TSHZ2: variants seen among roughly 807,000 people sequenced by gnomAD.
TSHZ2 encodes teashirt zinc finger homeobox 2, also known as teashirt homolog 2.
In TSHZ2, 21 loss-of-function variants were observed where a neutral mutation model predicts 74.4. The observed-to-expected ratio is 0.28, with a 90% CI of 0.20 to 0.41. The LOEUF (loss-of-function observed/expected upper bound fraction) is 0.41. TSHZ2 is among the 10% of genes least tolerant of loss of function. The pLI, the probability that TSHZ2 is intolerant of heterozygous loss-of-function variation, is 1.00. For synonymous variants in TSHZ2, 540 were observed against 515.3 expected (o/e 1.05, Z -0.65); for missense variants, 1,244 against 1,293.5 (o/e 0.96, Z 0.59).
intron 2 of TSHZ2, among the ~76,000 whole-genome samples, chr20:53,476,638 T>TAGG (rs1427749592): frequency 1.4e-5 from 2 of 140,510 alleles, no homozygotes; most frequent in Non-Finnish European, 3.1e-5. Flanking sequence ...CTATTCAACA[T>TAGG]AGTGTTGGAA....
chr20:53,204,852 C>T (rs553669502), intron 1 of TSHZ2, among the ~76,000 whole-genome samples: 118 of 151,916 alleles, frequency 7.8e-4, no homozygotes, highest in African/African-American at 2.5e-3. Context: ...GAGGCCGAGG[C>T]GGGCGGATCA....
Position 53,251,729 on chromosome 20 carries a change from G to A in TSHZ2, c.41-1770G>A, listed in dbSNP as rs528009944. 5.3e-5 allele frequency among the ~76,000 whole-genome samples: 8 copies of A among 152,202 alleles called. No homozygotes were observed. In the South Asian group the frequency reaches 6.2e-4, roughly 12 times the overall value. ...ATTTATACATTTCATCTTGTTTTAC[G>A]GTATTCTGTCACTAAAATCATGGGC... On this transcript the variant is annotated intron_variant, in intron 1 of 2. Transcript: ENST00000371497.
intron 2 of TSHZ2, among the ~76,000 whole-genome samples, chr20:53,307,689 A>G (rs562849661): frequency 2.0e-5 from 3 of 152,334 alleles, no homozygotes; most frequent in Admixed American, 6.5e-5. Context: ...AGTAAAGTTC[A>G]ATGGATTTTA....
intron 2 of TSHZ2, among the ~76,000 whole-genome samples, chr20:53,291,245 G>A (rs1991272065): frequency 6.6e-6 from 1 of 152,160 alleles, no homozygotes; most frequent in Non-Finnish European, 1.5e-5. Context: ...GCCGAGATGG[G>A]TGGATTGCTT....
At chr20:53,251,871 T>G (rs141243890) in intron 1 of TSHZ2, among the ~76,000 whole-genome samples, 111 of 152,324 alleles carry the variant, frequency 7.3e-4, no homozygotes, top group African/African-American at 2.6e-3. Flanking sequence ...AGGGTTCTTC[T>G]TCATTAGGTT....
At chr20:53,282,493 G>A (rs897537958) in intron 2 of TSHZ2, among the ~76,000 whole-genome samples, 4 of 152,146 alleles carry the variant, frequency 2.6e-5, no homozygotes, top group Non-Finnish European at 2.9e-5. Context: ...TTTAAGTAGC[G>A]ATATTACCCC....
intron 1 of TSHZ2, among the ~76,000 whole-genome samples, chr20:53,020,726 A>T (rs1234884447): frequency 1.3e-5 from 2 of 152,272 alleles, no homozygotes; most frequent in Admixed American, 1.3e-4. Context: ...TCCAAAGACC[A>T]GGGATAGCCT....
intron 1 of TSHZ2, among the ~76,000 whole-genome samples, chr20:53,204,446 T>G (rs1008654824): frequency 1.2e-4 from 18 of 151,160 alleles, no homozygotes; most frequent in Admixed American, 2.6e-4. Flanking sequence ...TATGATATAA[T>G]ATTTTGGACA....
intron 2 of TSHZ2, among the ~76,000 whole-genome samples, chr20:53,389,170 TC>T (rs1231623014): frequency 6.6e-6 from 1 of 152,122 alleles, no homozygotes; most frequent in East Asian, 1.9e-4. Context: ...ACAGATAGGG[TC>T]CCCTCCTAGT....
intron 1 of TSHZ2, among the ~76,000 whole-genome samples, chr20:53,143,630 T>C (rs1025535970): frequency 2.6e-5 from 4 of 152,068 alleles, no homozygotes; most frequent in Non-Finnish European, 4.4e-5. Flanking sequence ...AGGAAGAGCT[T>C]GCAGTGAGCC....
intron 1 of TSHZ2, among the ~76,000 whole-genome samples, chr20:53,242,649 C>A (rs192379032): frequency 0.016 from 1,154 of 70,368 alleles, 9 homozygotes; most frequent in African/African-American, 0.065. Context: ...TGAGTTTAAA[C>A]CCATGTGCAC....
At chr20:53,053,622 G>A (rs1288243686) in intron 1 of TSHZ2, among the ~76,000 whole-genome samples, 6 of 152,092 alleles carry the variant, frequency 3.9e-5, no homozygotes, top group Admixed American at 2.6e-4. Flanking sequence ...TCTAATGGAA[G>A]AGACTTGTGC....
At chr20:53,088,928 G>C (rs1985783293) in intron 1 of TSHZ2, among the ~76,000 whole-genome samples, 1 of 152,104 alleles carries the variant, frequency 6.6e-6, no homozygotes. Flanking sequence ...GAGTTCCAAG[G>C]ATAGCAATTA....
At chr20:53,423,985 C>T (rs1330586114) in intron 2 of TSHZ2, among the ~76,000 whole-genome samples, 1 of 152,158 alleles carries the variant, frequency 6.6e-6, no homozygotes, top group East Asian at 1.9e-4. Flanking sequence ...AGCCCAGCCC[C>T]GCTGCAAGGA....
At chr20:53,327,027 G>A (rs958998517) in intron 2 of TSHZ2, among the ~76,000 whole-genome samples, 1 of 152,328 alleles carries the variant, frequency 6.6e-6, no homozygotes, top group South Asian at 2.1e-4. Flanking sequence ...TGTGGAAACC[G>A]TACATGCAGC....
chr20:53,195,840 C>T lies in TSHZ2; in HGVS notation c.41-57659C>T, dbSNP rs188773806. ...ACGGAGCAGCCCTTCTCTCTTCTGC[C>T]CTCCCTCCTGCTCAGAAATCAGATT... On this transcript the variant is annotated intron_variant, in intron 1 of 2. Coordinates refer to ENST00000371497, the MANE Select transcript of TSHZ2 (RefSeq NM_173485.6). 1.9e-3 allele frequency among the ~76,000 whole-genome samples: 284 copies of T among 152,248 alleles called. 1 individual carries two copies. Among genetic ancestry groups the T allele is most frequent in the African/African-American group, 5.7e-3 (238 of 41,546 alleles).
intron 1 of TSHZ2, among the ~76,000 whole-genome samples, chr20:53,049,499 T>G: frequency 6.6e-6 from 1 of 152,148 alleles, no homozygotes; most frequent in South Asian, 2.1e-4. Flanking sequence ...CCCAGTGACG[T>G]AGGGAGTCTT....
At chr20:53,026,352 C>CTTT (rs113816786) in intron 1 of TSHZ2, among the ~76,000 whole-genome samples, 6 of 143,816 alleles carry the variant, frequency 4.2e-5, no homozygotes, top group Admixed American at 2.1e-4. Context: ...CTCTCATATT[C>CTTT]TTTTTTTTTT....
chr20:53,376,672 G>A (rs543190594), intron 2 of TSHZ2, among the ~76,000 whole-genome samples: 1 of 152,158 alleles, frequency 6.6e-6, no homozygotes, highest in Non-Finnish European at 1.5e-5. Context: ...TAGAATGGCT[G>A]AAACAACTGA....
Sources: allele counts gnomAD v4.1 joint callset (sites outside exome capture counted in the v4.1 genomes callset), GRCh38; gene constraint gnomAD v4.1.1; transcripts MANE v1.5; gene names NCBI Gene and HGNC (gene_info 2026-07-23, HGNC 2026-07-21).